Variants in ZNF679 observed in about 807,000 individuals in gnomAD.
The protein encoded by ZNF679 is zinc finger protein 679.
A neutral mutation model predicts 13.4 loss-of-function variants in ZNF679; 10 were observed. The ratio of observed to expected loss-of-function variants is 0.75; its 90% confidence interval spans 0.46 to 1.27. The LOEUF is 1.27. Ranked by LOEUF, ZNF679 falls within the 50% of genes most tolerant of loss-of-function variation. The probability of loss-of-function intolerance (pLI) is 0.00; values close to 1 mark genes in which losing one functional copy is unlikely to be tolerated. For synonymous variants in ZNF679, 179 were observed against 162.5 expected (o/e 1.10, Z -0.77); for missense variants, 525 against 477.8 (o/e 1.10, Z -0.92).
intron 1 of ZNF679, among the ~76,000 whole-genome samples, chr7:64,243,309 G>A (rs549220134): frequency 9.2e-5 from 14 of 152,286 alleles, no homozygotes; most frequent in African/African-American, 3.4e-4. Flanking sequence ...GCAGAGACTA[G>A]GAGGGAGAGT....
At chr7:64,258,318 T>C (rs1382272355) in intron 2 of ZNF679, among the ~76,000 whole-genome samples, 2 of 152,088 alleles carry the variant, frequency 1.3e-5, no homozygotes, top group Admixed American at 6.5e-5. Flanking sequence ...AGGTTTGATA[T>C]GTCCAGAGCA....
intron 2 of ZNF679, among the ~76,000 whole-genome samples, chr7:64,259,568 A>G (rs1350542467): frequency 1.3e-5 from 2 of 152,208 alleles, no homozygotes; most frequent in Non-Finnish European, 2.9e-5. Context: ...TAATGTTACT[A>G]TTAAAAATTA....
intron 2 of ZNF679, among the ~76,000 whole-genome samples, chr7:64,252,752 C>CTAG (rs1440836707): frequency 6.6e-6 from 1 of 152,216 alleles, no homozygotes; most frequent in African/African-American, 2.4e-5. Context: ...GAGTCTCACT[C>CTAG]TGTTGCCCAG....
At chr7:64,232,215 T>C (rs759465961) in intron 1 of ZNF679, among the ~76,000 whole-genome samples, 3 of 152,204 alleles carry the variant, frequency 2.0e-5, no homozygotes, top group Admixed American at 1.3e-4. Flanking sequence ...GTGGGCTGTA[T>C]GCATGTGTTG....
chr7:64,266,726 T>G lies in ZNF679; in HGVS notation c.1093T>G (p.Ser365Ala), dbSNP rs1359525488. 5.0e-6 allele frequency: 8 copies of G among 1,612,166 alleles called. No homozygotes were observed. The highest frequency in any genetic ancestry group is 6.8e-6 in the Non-Finnish European group (8 of 1,179,064). ...KECGKAFAFS[S>A]TLNTHKRIHT... ...ATGTGGGAAAGCCTTTGCCTTCTCC[T>G]CAACTCTTAATACTCATAAGAGGAT... is the stretch of plus-strand genomic sequence containing the variant. Residue 365 changes from serine (S) to alanine (A), a missense_variant, in exon 5 of 5, where the codon TCA (serine) becomes GCA (alanine). By Grantham distance (99) the Ser-to-Ala change is moderately conservative (BLOSUM62 1). Coordinates refer to ENST00000421025, the MANE Select transcript of ZNF679 (RefSeq NM_153363.3).
intron 2 of ZNF679, among the ~76,000 whole-genome samples, chr7:64,250,612 G>A (rs1029263994): frequency 2.0e-5 from 3 of 150,526 alleles, no homozygotes; most frequent in Non-Finnish European, 3.0e-5. Flanking sequence ...TTTTTGAGAC[G>A]GAGCCCCATT....
chr7:64,264,087 T>C, intron 4 of ZNF679, among the ~76,000 whole-genome samples: 1 of 152,104 alleles, frequency 6.6e-6, no homozygotes, highest in East Asian at 1.9e-4. Flanking sequence ...ATAATAGTTA[T>C]AGATTCCTAG....
intron 2 of ZNF679, among the ~76,000 whole-genome samples, chr7:64,250,893 G>A (rs1170175589): frequency 1.3e-5 from 2 of 152,054 alleles, no homozygotes; most frequent in Non-Finnish European, 2.9e-5. Flanking sequence ...GGCCTCAACC[G>A]TGTCTTAAAC....
intron 1 of ZNF679, among the ~76,000 whole-genome samples, chr7:64,235,493 A>C (rs1787697137): frequency 6.6e-6 from 1 of 151,378 alleles, no homozygotes; most frequent in African/African-American, 2.4e-5. Context: ...GCATTAGCAT[A>C]ACAAAAAAAA....
rs1232513773 is a variant in ZNF679 at position 64,255,017 on chromosome 7, AG to A, written c.40-5203del. Reference sequence around the variant, plus strand: ...TCCATCTCAAAAAAAAAAAAAAAAAAGAAAAAAAATTGCTTCCTAGTTAGCA... The same window carrying A: ...TCCATCTCAAAAAAAAAAAAAAAAAAAAAAAAAATTGCTTCCTAGTTAGCA... On this transcript the variant is annotated intron_variant, in intron 2 of 4. Coordinates refer to ENST00000421025, the MANE Select transcript of ZNF679 (RefSeq NM_153363.3). Among the ~76,000 whole-genome samples the A allele has an allele frequency of 9.2e-3, 965 of 104,828 alleles. 20 individuals carry two copies. The highest frequency in any genetic ancestry group is 0.017 in the Non-Finnish European group (697 of 40,602). 68.8% of individuals were successfully genotyped at this position (104,828 alleles called of 152,430 possible). A position where few individuals can be genotyped will look rare whatever the true frequency, so the allele number is the denominator to read the frequency against.
chr7:64,258,419 C>T (rs374268331), intron 2 of ZNF679, among the ~76,000 whole-genome samples: 6 of 151,990 alleles, frequency 3.9e-5, no homozygotes, highest in African/African-American at 9.6e-5. Flanking sequence ...GAGTAGTGTG[C>T]GGGCCGGGCG....
chr7:64,256,918 G>A (rs141701498), intron 2 of ZNF679, among the ~76,000 whole-genome samples: 2,740 of 152,148 alleles, frequency 0.018, 33 homozygotes, highest in Admixed American at 0.035. Context: ...GGCTGGTCTT[G>A]AACTCCTGAC....
intron 2 of ZNF679, among the ~76,000 whole-genome samples, chr7:64,253,702 G>T (rs1373232254): frequency 6.6e-6 from 1 of 152,138 alleles, no homozygotes; most frequent in Non-Finnish European, 1.5e-5. Flanking sequence ...CTTTCATAGA[G>T]AATAGCAAAC....
intron 1 of ZNF679, among the ~76,000 whole-genome samples, chr7:64,236,977 AAGAAAGAAAGAAAG>A (rs1562840390): frequency 0.012 from 281 of 22,608 alleles, no homozygotes; most frequent in Non-Finnish European, 0.019. Context: ...AAGAAAGAAA[AAGAAAGAAAGAAAG>A]AAAGAAAGAA....
chr7:64,261,184 C>A (rs1270776274), intron 4 of ZNF679, among the ~76,000 whole-genome samples: 1 of 152,158 alleles, frequency 6.6e-6, no homozygotes, highest in Non-Finnish European at 1.5e-5. Flanking sequence ...TTCTTTATGG[C>A]TTATCAGAGA....
chr7:64,229,717 G>T (rs947179000), intron 1 of ZNF679, among the ~76,000 whole-genome samples: 2 of 152,164 alleles, frequency 1.3e-5, no homozygotes, highest in African/African-American at 4.8e-5. Context: ...CTAGCCAGGG[G>T]AGTAAAAAAT....
chr7:64,247,099 C>T (rs1787879926), intron 1 of ZNF679, among the ~76,000 whole-genome samples: 1 of 152,182 alleles, frequency 6.6e-6, no homozygotes, highest in South Asian at 2.1e-4. Context: ...CATGCTAATG[C>T]ATTATAATTA....
rs778103333 is a variant in ZNF679 at position 64,266,272 on chromosome 7, A to C, written c.639A>C (p.Gln213His). The C allele has an allele frequency of 2.5e-6, 4 of 1,594,162 alleles. No homozygotes were observed. The East Asian group carries it at 6.9e-5, about 27-fold the overall frequency. ...TTCATACTAGGGAGAATTCCTACCA[A>C]TGTGAAGAATGCGGCAAACCCTTCA... ...QIIHTRENSY[Q>H]CEECGKPFNC... is the part of the protein sequence containing the mutation. The change falls in exon 5 of 5, where the codon CAA (glutamine) becomes CAC (histidine). Residue 213 changes from glutamine to histidine, a missense_variant. Coordinates refer to ENST00000421025, the MANE Select transcript of ZNF679 (RefSeq NM_153363.3).
intron 1 of ZNF679, among the ~76,000 whole-genome samples, chr7:64,236,792 G>A (rs926947791): frequency 2.1e-5 from 3 of 142,920 alleles, no homozygotes; most frequent in African/African-American, 7.9e-5. Flanking sequence ...GAAAGGAAAG[G>A]AGAAGGAAAG....
Sources: allele counts gnomAD v4.1 joint callset (sites outside exome capture counted in the v4.1 genomes callset), GRCh38; gene constraint gnomAD v4.1.1; transcripts MANE v1.5; gene names NCBI Gene and HGNC (gene_info 2026-07-23, HGNC 2026-07-21).